Variants in PITPNM2 observed in about 807,000 individuals in gnomAD.
PITPNM2 encodes phosphatidylinositol transfer protein membrane associated 2.
A neutral mutation model predicts 132.2 loss-of-function variants in PITPNM2; 35 were observed. That is an observed-to-expected ratio of 0.26 (90% confidence interval 0.20 to 0.35). PITPNM2 has a LOEUF of 0.35. PITPNM2 is among the 10% of genes least tolerant of loss of function. The pLI is 1.00. For synonymous variants in PITPNM2, 738 were observed against 799.2 expected, an observed-to-expected ratio of 0.92 and a Z score of 1.29; for missense variants, 1,332 against 1,912.0, an observed-to-expected ratio of 0.70 and a Z score of 5.66.
chr12:122,992,781 A>C lies in PITPNM2; in HGVS notation c.2234-112T>G. On this transcript the variant is annotated intron_variant, in intron 15 of 25. Coordinates refer to ENST00000320201, the MANE Select transcript of PITPNM2 (RefSeq NM_020845.3). This position sits in a 1 kb window ranked among gnomAD's most constrained non-coding sequence, Gnocchi z 6.5. ...TTGTCTGCTGAAAGTTAGGGATAAG[A>C]TGGGGGGTGTGTCTCTATCAATTTG... is the stretch of plus-strand genomic sequence containing the variant. The C allele has an allele frequency of 4.0e-6, 3 of 748,800 alleles. No homozygotes were observed. The highest frequency in any genetic ancestry group is 6.4e-6 in the Non-Finnish European group (3 of 467,832). 46.4% of individuals were successfully genotyped at this position (748,800 alleles called of 1,614,324 possible).
At chr12:123,138,198 A>G (rs2043424516) in intron 1 of PITPNM2, among the ~76,000 whole-genome samples, 1 of 151,970 alleles carries the variant, frequency 6.6e-6, no homozygotes, top group South Asian at 2.1e-4. Flanking sequence ...TGTAATCCCA[A>G]CACTTTGGGA....
rs1394282661 is a variant in PITPNM2 at position 123,111,633 on chromosome 12, C to T, written c.-199-1145G>A. Reference sequence around the variant, plus strand: ...CGGGCGGCTCTTCCAACCCCGCCACCGCCACCGCGTCCTGCATGCCCACCC... The same window carrying T: ...CGGGCGGCTCTTCCAACCCCGCCACTGCCACCGCGTCCTGCATGCCCACCC... On this transcript the variant is annotated intron_variant, in intron 1 of 25. Transcript: ENST00000320201. This position sits in a 1 kb window ranked among gnomAD's most constrained non-coding sequence, Gnocchi z 4.1. Among the ~76,000 whole-genome samples, 2 of 152,198 alleles carry T rather than the reference C, an allele frequency of 1.3e-5. No homozygotes were observed. The highest frequency in any genetic ancestry group is 1.5e-5 in the Non-Finnish European group (1 of 68,040).
chr12:123,029,898 G>A (rs578211850), intron 3 of PITPNM2, among the ~76,000 whole-genome samples: 7 of 150,896 alleles, frequency 4.6e-5, no homozygotes, highest in Non-Finnish European at 1.0e-4. Flanking sequence ...CAGCCCATGT[G>A]CACTAAAGAG....
Position 123,078,316 on chromosome 12 carries a change from G to A in PITPNM2, c.-96+32069C>T, listed in dbSNP as rs1005834241. On this transcript the variant is annotated intron_variant, in intron 2 of 25. Coordinates refer to ENST00000320201, the MANE Select transcript of PITPNM2 (RefSeq NM_020845.3). The surrounding 1 kb of genome is among the most constrained non-coding windows in gnomAD (Gnocchi z 7.3). ...GGCCTCAGGGTCCAGGTGGCCAGGC[G>A]GGGAGGGGTACCGGCCAGACCGGTG... Among the ~76,000 whole-genome samples the A allele has an allele frequency of 3.9e-5, 6 of 152,168 alleles. No homozygotes were observed. The highest frequency in any genetic ancestry group is 8.8e-5 in the Non-Finnish European group (6 of 68,026).
rs1246339458 is a variant in PITPNM2, at chr12:123,059,418, A to G, written c.-95-24733T>C. The stretch of plus-strand genomic sequence containing the variant: ...CACAAGGCTCTGTGACTTCACTTCC[A>G]GGGTTCGGTCTGTACTCTCTGCAGT... On this transcript the variant is annotated intron_variant, in intron 2 of 25. Transcript: ENST00000320201. Among the ~76,000 whole-genome samples, 3 of 152,246 alleles carry G rather than the reference A, an allele frequency of 2.0e-5. No homozygotes were observed. The East Asian group carries it at 5.8e-4, about 29-fold the overall frequency.
intron 3 of PITPNM2, among the ~76,000 whole-genome samples, chr12:123,020,860 TAAA>T (rs1032008697): frequency 2.0e-5 from 3 of 151,208 alleles, no homozygotes; most frequent in Non-Finnish European, 4.4e-5. Flanking sequence ...CTGTCTCTAC[TAAA>T]AACAATAATA....
chr12:123,087,388 G>A (rs1342723044), intron 2 of PITPNM2: 1 of 152,034 alleles, frequency 6.6e-6, no homozygotes, highest in African/African-American at 2.4e-5. Context: ...GAGTAGCTGG[G>A]ATTACAGGCG....
Position 122,995,547 on chromosome 12 carries a change from G to T in PITPNM2, c.1896C>A (p.Gly632=). ...GSSGGGGSSG[G]SSLESSRHLS... The stretch of plus-strand genomic sequence containing the variant: ...GGTGCCGACTGCTCTCCAGGCTGGA[G>T]CCACCACTACTGCCACCACCACCAC... The change falls in exon 14 of 26, where the codon GGC becomes GGA. Residue 632 remains glycine, a synonymous_variant. Coordinates refer to ENST00000320201, the MANE Select transcript of PITPNM2 (RefSeq NM_020845.3). The T allele has an allele frequency of 6.2e-7, 1 of 1,610,000 alleles. No homozygotes were observed.
Position 123,034,495 on chromosome 12 carries a change from C to T in PITPNM2, c.78+18G>A, listed in dbSNP as rs1233783389. ...GACCCACCCTCACCCCATGACCCAC[C>T]CTTGCCCCACGACCCACCTGTATCA... On this transcript the variant is annotated intron_variant, in intron 3 of 25. Coordinates refer to ENST00000320201, the MANE Select transcript of PITPNM2 (RefSeq NM_020845.3). 2 of 1,613,108 alleles carry T rather than the reference C, an allele frequency of 1.2e-6. No individual in the cohort carries two copies. Among genetic ancestry groups the T allele is most frequent in the Admixed American group, 1.7e-5 (1 of 60,020 alleles).
chr12:123,146,064 C>T (rs2043609924), intron 1 of PITPNM2, among the ~76,000 whole-genome samples: 1 of 152,130 alleles, frequency 6.6e-6, no homozygotes, highest in South Asian at 2.1e-4. Context: ...AACAGAAAAC[C>T]AAACACCACA....
At position 123,111,939 on chromosome 12, in the gene PITPNM2, G is replaced by A. The variant is rs2042845223; in HGVS notation, c.-199-1451C>T. Among the ~76,000 whole-genome samples the A allele has an allele frequency of 6.6e-6, 1 of 152,144 alleles. No homozygotes were observed. The highest frequency in any genetic ancestry group is 1.5e-5 in the Non-Finnish European group (1 of 68,028). ...GGTGAGGAAAGCTGTTGAGAGGGTT[G>A]AGGGTTTGCCATGGTAACGCACCCA... On this transcript the variant is annotated intron_variant, in intron 1 of 25. Transcript: ENST00000320201. The surrounding 1 kb of genome is among the most constrained non-coding windows in gnomAD (Gnocchi z 4.1).
chr12:123,048,646 T>C (rs2040750776), intron 2 of PITPNM2, among the ~76,000 whole-genome samples: 1 of 151,178 alleles, frequency 6.6e-6, no homozygotes. Context: ...TCTCCTGACC[T>C]CATGATCCAC....
chr12:122,992,744 C>G lies in PITPNM2; in HGVS notation c.2234-75G>C. ...GTGGTGGGGGTGGGAAATTTGGGAA[C>G]TGGGCACTGGGTTGTCTGCTGAAAG... On this transcript the variant is annotated intron_variant, in intron 15 of 25. Transcript: ENST00000320201. This position sits in a 1 kb window ranked among gnomAD's most constrained non-coding sequence, Gnocchi z 6.5. 3.3e-6 allele frequency: 4 copies of G among 1,205,242 alleles called. No homozygotes were observed. The highest frequency in any genetic ancestry group is 1.2e-6 in the Non-Finnish European group (1 of 862,878). 74.7% of individuals were successfully genotyped at this position (1,205,242 alleles called of 1,614,324 possible).
intron 18 of PITPNM2, 76 bp from the exon 19 acceptor site, chr12:122,988,948 T>A: frequency 7.0e-7 from 1 of 1,437,806 alleles, no homozygotes; most frequent in Non-Finnish European, 9.2e-7. Flanking sequence ...CCGGCCCCTC[T>A]GGCCTGCTCA....
At chr12:123,144,624 G>T (rs1038221489) in intron 1 of PITPNM2, among the ~76,000 whole-genome samples, 16 of 152,106 alleles carry the variant, frequency 1.1e-4, no homozygotes, top group South Asian at 2.1e-4. Flanking sequence ...TAGAGATGGG[G>T]TTTCACCATG....
At chr12:123,052,413 G>T (rs750640138) in intron 2 of PITPNM2, among the ~76,000 whole-genome samples, 3 of 152,198 alleles carry the variant, frequency 2.0e-5, no homozygotes, top group Non-Finnish European at 4.4e-5. Flanking sequence ...GAGGTCAGGA[G>T]TTTAAGATCA....
At chr12:123,096,833 G>A (rs1354114959) in intron 2 of PITPNM2, among the ~76,000 whole-genome samples, 1 of 152,144 alleles carries the variant, frequency 6.6e-6, no homozygotes, top group Non-Finnish European at 1.5e-5. Context: ...CACCCAGCAG[G>A]ATGGCAGGCT....
At chr12:123,130,728 C>T (rs1434896001) in intron 1 of PITPNM2, among the ~76,000 whole-genome samples, 4 of 151,976 alleles carry the variant, frequency 2.6e-5, no homozygotes, top group African/African-American at 7.3e-5. Context: ...TGCAATGAGG[C>T]GAGATCGCAC....
At chr12:123,045,743 C>T (rs993040564) in intron 2 of PITPNM2, among the ~76,000 whole-genome samples, 21 of 152,184 alleles carry the variant, frequency 1.4e-4, no homozygotes, top group Non-Finnish European at 2.5e-4. Flanking sequence ...CTGCAAGGAG[C>T]GCTGTGGGGC....
Sources: gnomAD v4.1 joint callset for allele counts (sites outside exome capture counted in the v4.1 genomes callset) on GRCh38, gnomAD v4.1.1 for gene constraint, Gnocchi (gnomAD v3.1) non-coding constraint, MANE v1.5 for transcripts, NCBI Gene and HGNC (gene_info 2026-07-23, HGNC 2026-07-21) for gene names.